Variants in RAD50 observed in about 807,000 individuals in gnomAD.
The protein encoded by RAD50 is RAD50 double strand break repair protein, also known as DNA repair protein RAD50.
In RAD50, 132 loss-of-function variants were observed where a neutral mutation model predicts 168.8. The observed-to-expected ratio is 0.78, with a 90% confidence interval of 0.68 to 0.90. The LOEUF is 0.90. RAD50 is among the 40% of genes least tolerant of loss of function. The pLI is 0.00. For synonymous variants in RAD50, 525 were observed against 497.4 expected, an observed-to-expected ratio of 1.06 and a Z score of -0.74; for missense variants, 1,347 against 1,534.4, an observed-to-expected ratio of 0.88 and a Z score of 2.04.
At chr5:132,594,334 G>C (rs17166063) in intron 11 of RAD50, among the ~76,000 whole-genome samples, 6,232 of 152,192 alleles carry the variant, frequency 0.041, 362 homozygotes, top group African/African-American at 0.13. Context: ...TGAGTATTGA[G>C]GTTGGCTAGG....
chr5:132,575,978 G>A (rs757731580), intron 3 of RAD50, 50 bp downstream of exon 3: 2 of 1,510,738 alleles, frequency 1.3e-6, no homozygotes, highest in South Asian at 1.2e-5. Context: ...AGTCTTTTAG[G>A]TCTGTAAGTT....
Position 132,559,320 on chromosome 5 carries a change from G to T in RAD50, c.166G>T (p.Asp56Tyr). The part of the protein sequence containing the change: ...IECLKYICTG[D>Y]FPPGTKGNTF... ...ATGTCTAAAATATATTTGTACTGGA[G>T]ATTTCCCTCCTGGAACCAAAGGAAA... is the stretch of plus-strand genomic sequence containing the variant. Residue 56 changes from aspartate to tyrosine, a missense_variant, in exon 2 of 25, where the codon GAT (aspartate) becomes TAT (tyrosine). Around this residue, in one of 3 missense-constraint regions of RAD50, gnomAD observed 703 missense variants for 767.7 expected, o/e 0.92. Coordinates refer to ENST00000378823, the MANE Select transcript of RAD50 (RefSeq NM_005732.4). 1 of 1,608,214 alleles carries T rather than the reference G, an allele frequency of 6.2e-7. No homozygotes were observed. The highest frequency in any genetic ancestry group is 8.5e-7 in the Non-Finnish European group (1 of 1,177,048).
intron 9 of RAD50, among the ~76,000 whole-genome samples, chr5:132,590,425 G>A (rs887481292): frequency 2.6e-5 from 4 of 152,118 alleles, no homozygotes; most frequent in Admixed American, 2.6e-4. Context: ...AGCCAAGATT[G>A]CGCCACTGCT....
chr5:132,572,591 A>G (rs190241794), intron 2 of RAD50, among the ~76,000 whole-genome samples: 2 of 152,336 alleles, frequency 1.3e-5, no homozygotes, highest in African/African-American at 4.8e-5. Flanking sequence ...AGGTGATTAT[A>G]TGATATTTGA....
chr5:132,597,350 A>G (rs1169662710), intron 13 of RAD50, among the ~76,000 whole-genome samples: 1 of 152,202 alleles, frequency 6.6e-6, no homozygotes, highest in South Asian at 2.1e-4. Context: ...TGATTGGTCT[A>G]TATAACTGAT....
intron 20 of RAD50, among the ~76,000 whole-genome samples, chr5:132,616,824 C>T (rs748521090): frequency 5.3e-5 from 8 of 152,190 alleles, no homozygotes; most frequent in Non-Finnish European, 1.0e-4. Context: ...TTAAACCCTT[C>T]CTTGTAGAGT....
chr5:132,566,112 A>G (rs1750204330), intron 2 of RAD50, among the ~76,000 whole-genome samples: 1 of 151,992 alleles, frequency 6.6e-6, no homozygotes, highest in South Asian at 2.1e-4. Flanking sequence ...TATAATACAC[A>G]TTTCTTTGTT....
At chr5:132,619,425 A>T (rs1290325828) in intron 21 of RAD50, among the ~76,000 whole-genome samples, 2 of 104,342 alleles carry the variant, frequency 1.9e-5, no homozygotes, top group Non-Finnish European at 4.8e-5. Context: ...TTTGGGACAG[A>T]GTCTCTCTTT....
rs1751791828 is a variant in RAD50 at position 132,643,732 on chromosome 5, G to GGGGT, written c.*1370_*1371insGTGG. The GGGGT allele has an allele frequency of 4.8e-6, 1 of 210,092 alleles. No individual in the cohort carries two copies. Among genetic ancestry groups the GGGGT allele is most frequent in the Non-Finnish European group, 9.7e-6 (1 of 103,486 alleles). 13.0% of individuals were successfully genotyped at this position (210,092 alleles called of 1,614,324 possible). A position where few individuals can be genotyped will look rare whatever the true frequency, so the allele number is the denominator to read the frequency against. On this transcript the variant is annotated 3_prime_UTR_variant, in exon 25 of 25. Transcript: ENST00000378823. ...CTGGGGGTGGTGGTGGGGTGGGGGG[G>GGGGT]GGTCCTAAATGTAATCACGAGTAAG...
intron 1 of RAD50, among the ~76,000 whole-genome samples, 186 bp downstream of exon 1, chr5:132,557,639 G>T (rs760006115): frequency 6.6e-6 from 1 of 152,172 alleles, no homozygotes; most frequent in African/African-American, 2.4e-5. Context: ...AAGCAGTCTC[G>T]GAAGGATGTC....
At chr5:132,600,127 A>G (rs1255819641) in intron 13 of RAD50, 1 of 152,242 alleles carries the variant, frequency 6.6e-6, no homozygotes. Context: ...TAGGCAGTCT[A>G]CTGGAGTGCA....
At chr5:132,566,034 ATTGT>A (rs1435164718) in intron 2 of RAD50, among the ~76,000 whole-genome samples, 1 of 152,112 alleles carries the variant, frequency 6.6e-6, no homozygotes, top group Non-Finnish European at 1.5e-5. Context: ...TTACAACTAG[ATTGT>A]TTGGAGAAAG....
Position 132,589,773 on chromosome 5 carries a change from A to C in RAD50, c.1388A>C (p.Glu463Ala). The stretch of plus-strand genomic sequence containing the variant: ...AATGAGCTGAAAAATGTGAAGTATG[A>C]ATTACAGCAGTTGGAAGGATCTTCA... ...KQNELKNVKY[E>A]LQQLEGSSDR... is the part of the protein sequence containing the mutation. Residue 463 changes from glutamate (E) to alanine (A), a missense_variant, in exon 9 of 25, where the codon GAA becomes GCA. Transcript: ENST00000378823. 1 of 1,613,808 alleles carries C rather than the reference A, an allele frequency of 6.2e-7. No individual in the cohort carries two copies. Among genetic ancestry groups the C allele is most frequent in the Non-Finnish European group, 8.5e-7 (1 of 1,179,850 alleles).
intron 2 of RAD50, among the ~76,000 whole-genome samples, chr5:132,574,231 A>T (rs186864737): frequency 2.6e-5 from 4 of 152,202 alleles, no homozygotes; most frequent in African/African-American, 7.2e-5. Context: ...AGGTGTTTCC[A>T]TACACCCTCT....
chr5:132,619,837 T>TATATATATAAAG (rs1751249392), intron 21 of RAD50, among the ~76,000 whole-genome samples: 1 of 111,566 alleles, frequency 9.0e-6, no homozygotes, highest in African/African-American at 4.3e-5. Flanking sequence ...TCTCTCTCTC[T>TATATATATAAAG]ATATATATAT....
At chr5:132,596,649 A>G (rs1346620130) in intron 13 of RAD50, among the ~76,000 whole-genome samples, 2 of 152,274 alleles carry the variant, frequency 1.3e-5, no homozygotes, top group African/African-American at 2.4e-5. Context: ...CTCCCAGAAC[A>G]TAGAGAACAA....
intron 3 of RAD50, among the ~76,000 whole-genome samples, chr5:132,578,562 G>A (rs1179127694): frequency 8.7e-4 from 81 of 92,742 alleles, no homozygotes; most frequent in African/African-American, 3.3e-3. Context: ...ACAGAGTTTC[G>A]CTCTTGTTTC....
In RAD50 at chr5:132,618,073, A is replaced by G. The variant is rs781596809; in HGVS notation, c.3168A>G (p.Glu1056=). Residue 1056 remains glutamate, a synonymous_variant, in exon 21 of 25, where the codon GAA becomes GAG. Transcript: ENST00000378823. The part of the protein sequence containing the change: ...GQMQVLQMKS[E]HQKLEENIDN... ...TTGTCATTTTTCTTTTTTACAGTGA[A>G]CATCAGAAGTTGGAAGAGAACATAG... The G allele has an allele frequency of 6.2e-7, 1 of 1,612,312 alleles. No homozygotes were observed. Among genetic ancestry groups the G allele is most frequent in the African/African-American group, 1.3e-5 (1 of 74,892 alleles).
rs1333156373 is a variant in RAD50 at position 132,643,725 on chromosome 5, T to TCGGG, written c.*1361_*1362insCGGG. The TCGGG allele has an allele frequency of 1.0e-5, 1 of 99,394 alleles. No homozygotes were observed. The highest frequency in any genetic ancestry group is 1.9e-5 in the Non-Finnish European group (1 of 51,884). 6.2% of individuals were successfully genotyped at this position (99,394 alleles called of 1,614,324 possible). ...GAGTATCCTGGGGGTGGTGGTGGGG[T>TCGGG]GGGGGGGGGTCCTAAATGTAATCAC... On this transcript the variant is annotated 3_prime_UTR_variant, in exon 25 of 25. Transcript: ENST00000378823.
Sources: gnomAD v4.1 joint callset for allele counts (sites outside exome capture counted in the v4.1 genomes callset) on GRCh38, gnomAD v4.1.1 for gene constraint, gnomAD v4.1.1 regional missense constraint, MANE v1.5 for transcripts, NCBI Gene and HGNC (gene_info 2026-07-23, HGNC 2026-07-21) for gene names.